Variants in PRRX2 observed in about 807,000 individuals in gnomAD.
The protein encoded by PRRX2 is paired related homeobox 2.
Under a neutral mutation model 18.0 loss-of-function variants are expected in PRRX2, and 11 were observed. That is an observed-to-expected ratio of 0.61 (90% CI 0.39 to 1.01). The LOEUF is 1.01. PRRX2 is among the 50% of genes least tolerant of loss of function. The pLI is 0.01. For missense variants in PRRX2, 387 were observed against 351.0 expected, an observed-to-expected ratio of 1.10 and a Z score of -0.82; for synonymous variants, 177 against 154.8, an observed-to-expected ratio of 1.14 and a Z score of -1.06.
chr9:129,687,400 A>G (rs1324853470), intron 1 of PRRX2, among the ~76,000 whole-genome samples: 1 of 152,084 alleles, frequency 6.6e-6, no homozygotes, highest in Non-Finnish European at 1.5e-5. Flanking sequence ...CCACCTGACC[A>G]CCTTCCAGGC....
At chr9:129,718,469 C>G (rs1318797045) in intron 1 of PRRX2, 1 of 152,420 alleles carries the variant, frequency 6.6e-6, no homozygotes, top group Non-Finnish European at 1.5e-5. Context: ...TGGTCTCTCC[C>G]CGGCCCCCAG....
In PRRX2 at chr9:129,719,233, G is replaced by A. The variant is rs1410492129; in HGVS notation, c.262G>A (p.Glu88Lys). ...TCCCGCCCCCCCAACCTCCGCAGGT[G>A]AGTGTCCCAGCCCGGGGCGCGGTAG... ...SGSEAAPQDG[E>K]CPSPGRGSAA... The change falls in exon 2 of 4, where the codon GAG (glutamate) becomes AAG (lysine). Residue 88 changes from glutamate (E) to lysine (K), a missense_variant and splice_region_variant. Physicochemically the swap from Glu to Lys is moderately conservative, Grantham distance 56. Transcript: ENST00000372469. 1 of 1,586,592 alleles carries A rather than the reference G, an allele frequency of 6.3e-7. No individual in the cohort carries two copies. Among genetic ancestry groups the A allele is most frequent in the Non-Finnish European group, 8.6e-7 (1 of 1,166,336 alleles).
intron 1 of PRRX2, among the ~76,000 whole-genome samples, chr9:129,683,040 G>A (rs754701193): frequency 3.9e-5 from 6 of 152,014 alleles, no homozygotes; most frequent in Non-Finnish European, 7.4e-5. Flanking sequence ...CCTGGGAGGC[G>A]AAGGTTGCAG....
intron 1 of PRRX2, among the ~76,000 whole-genome samples, chr9:129,679,345 C>T: frequency 6.6e-6 from 1 of 152,086 alleles, no homozygotes; most frequent in Non-Finnish European, 1.5e-5. Context: ...GTGACGGTGG[C>T]AGGGGGGAGG....
At chr9:129,676,040 C>T (rs1033141039) in intron 1 of PRRX2, among the ~76,000 whole-genome samples, 2 of 152,206 alleles carry the variant, frequency 1.3e-5, no homozygotes, top group Admixed American at 6.5e-5. Context: ...GTGGAGGCTG[C>T]TCCCACCCCA....
chr9:129,680,400 C>CAAAAAA (rs1207606607), intron 1 of PRRX2, among the ~76,000 whole-genome samples: 3 of 85,766 alleles, frequency 3.5e-5, no homozygotes, highest in African/African-American at 1.0e-4. Context: ...GACTCCGTCT[C>CAAAAAA]AAAAAAAAAA....
At position 129,690,693 on chromosome 9, in the gene PRRX2, A is replaced by T. The variant is rs548427656; in HGVS notation, c.259+24567A>T. On this transcript the variant is annotated intron_variant, in intron 1 of 3. Coordinates refer to ENST00000372469, the MANE Select transcript of PRRX2 (RefSeq NM_016307.4). The stretch of plus-strand genomic sequence containing the variant: ...GGCTAATTTTTTGTATTTTTAGTAG[A>T]GATGGGGTTTCACTATGTTGACCAG... Among the ~76,000 whole-genome samples the T allele has an allele frequency of 2.0e-4, 30 of 151,800 alleles. No homozygotes were observed. In the East Asian group the frequency reaches 4.5e-3, roughly 23 times the overall value.
intron 1 of PRRX2, among the ~76,000 whole-genome samples, chr9:129,711,451 G>C (rs913737876): frequency 2.1e-5 from 3 of 142,394 alleles, no homozygotes; most frequent in African/African-American, 7.9e-5. Context: ...CGTTGCCCAG[G>C]CTGGAGTGCA....
chr9:129,705,420 T>A (rs1182762404), intron 1 of PRRX2, among the ~76,000 whole-genome samples: 2 of 152,112 alleles, frequency 1.3e-5, no homozygotes, highest in Non-Finnish European at 2.9e-5. Flanking sequence ...AGTGGCTTGA[T>A]CCTGGCCCAC....
intron 2 of PRRX2, among the ~76,000 whole-genome samples, chr9:129,719,795 T>C (rs1832765621): frequency 6.6e-6 from 1 of 152,180 alleles, no homozygotes; most frequent in African/African-American, 2.4e-5. Flanking sequence ...GAGACCAGCC[T>C]GGCCAACATA....
chr9:129,721,115 G>A lies in PRRX2; in HGVS notation c.626+341G>A, dbSNP rs576495761. On this transcript the variant is annotated intron_variant, in intron 3 of 3. Transcript: ENST00000372469. Reference sequence around the variant, plus strand: ...AGTGTGTGCGTGAACACCTGGAGCCGGGAGAAAACAGGCCTATCTGGAGGG... The same window carrying A: ...AGTGTGTGCGTGAACACCTGGAGCCAGGAGAAAACAGGCCTATCTGGAGGG... 2.6e-5 allele frequency among the ~76,000 whole-genome samples: 4 copies of A among 152,300 alleles called. No individual in the cohort carries two copies. In the East Asian group the frequency reaches 5.8e-4, roughly 22 times the overall value.
At position 129,684,427 on chromosome 9, in the gene PRRX2, AACAC is replaced by A. The variant is rs72324782; in HGVS notation, c.259+18330_259+18333del. On this transcript the variant is annotated intron_variant, in intron 1 of 3. Transcript: ENST00000372469. ...CACAGAGAGAGACACACACAGATAC[AACAC>A]ACACACACACACACACACACACACA... 9.8e-3 allele frequency among the ~76,000 whole-genome samples: 809 copies of A among 82,926 alleles called. 5 individuals carry two copies. Among genetic ancestry groups the A allele is most frequent in the Middle Eastern group, 0.051 (8 of 158 alleles). The allele number at this position is 82,926 out of a possible 152,430, so 54.4% of individuals were successfully genotyped here. A position where few individuals can be genotyped will look rare whatever the true frequency, so the allele number is the denominator to read the frequency against.
At chr9:129,670,894 C>T (rs370541424) in intron 1 of PRRX2, among the ~76,000 whole-genome samples, 12 of 152,284 alleles carry the variant, frequency 7.9e-5, no homozygotes, top group African/African-American at 2.9e-4. Flanking sequence ...TTCTCTATTT[C>T]CTGGGACAAG....
intron 1 of PRRX2, among the ~76,000 whole-genome samples, chr9:129,696,082 G>GA (rs57374729): frequency 0.12 from 16,815 of 145,516 alleles, 1,838 homozygotes; most frequent in East Asian, 0.36. Flanking sequence ...GAAAGAAAAC[G>GA]AAAAAAAAAA....
chr9:129,678,283 G>A (rs1564145703), intron 1 of PRRX2, among the ~76,000 whole-genome samples: 1 of 152,086 alleles, frequency 6.6e-6, no homozygotes, highest in Non-Finnish European at 1.5e-5. Flanking sequence ...GCTTTTTCAA[G>A]GGGCTGGTTT....
chr9:129,665,903 G>C lies in PRRX2; in HGVS notation c.36G>C (p.Lys12Asn). 2 of 1,107,248 alleles carry C rather than the reference G, an allele frequency of 1.8e-6. No individual in the cohort carries two copies. Among genetic ancestry groups the C allele is most frequent in the Non-Finnish European group, 2.2e-6 (2 of 910,818 alleles). 68.6% of individuals were successfully genotyped at this position (1,107,248 alleles called of 1,614,324 possible). Residue 12 changes from lysine (K) to asparagine (N), a missense_variant, in exon 1 of 4, where the codon AAG (lysine) becomes AAC (asparagine). Lys to Asn is a moderately conservative substitution (Grantham distance 94). Coordinates refer to ENST00000372469, the MANE Select transcript of PRRX2 (RefSeq NM_016307.4). The surrounding 1 kb of genome is among the most constrained non-coding windows in gnomAD (Gnocchi z 5.3). ...CGGCCGCCGCCTTCGCCCTGGACAA[G>C]CCGGCGCTGGGCCCGGGGCCGCCGC... is the stretch of plus-strand genomic sequence containing the variant. Reference protein sequence around the residue: ...DSAAAAFALDKPALGPGPPPP... With the variant: ...DSAAAAFALDNPALGPGPPPP...
At position 129,683,932 on chromosome 9, in the gene PRRX2, G is replaced by A. The variant is rs532808075; in HGVS notation, c.259+17806G>A. Among the ~76,000 whole-genome samples, 10 of 152,254 alleles carry A rather than the reference G, an allele frequency of 6.6e-5. No individual in the cohort carries two copies. The South Asian group carries it at 2.1e-3, about 32-fold the overall frequency. On this transcript the variant is annotated intron_variant, in intron 1 of 3. Transcript: ENST00000372469. ...GCCCTCCTGTCCCTACCCTCTTCCTGTACAAGGCTATGGCTAACGGGAGCC... is the reference window on the plus strand; with the variant it reads ...GCCCTCCTGTCCCTACCCTCTTCCTATACAAGGCTATGGCTAACGGGAGCC...
rs550151360 is a variant in PRRX2 at position 129,695,864 on chromosome 9, A to G, written c.260-23367A>G. Among the ~76,000 whole-genome samples the G allele has an allele frequency of 2.2e-4, 33 of 152,316 alleles. No individual in the cohort carries two copies. Among genetic ancestry groups the G allele is most frequent in the Admixed American group, 7.8e-4 (12 of 15,298 alleles). ...GAGAGCATTAACGGGAAAGTTCTAA[A>G]CAGAACCTCTGCTGTCATGTAAGCA... On this transcript the variant is annotated intron_variant, in intron 1 of 3. Transcript: ENST00000372469. The surrounding 1 kb of genome is among the most constrained non-coding windows in gnomAD (Gnocchi z 4.8).
At chr9:129,719,482 C>T in intron 2 of PRRX2, 64 bp downstream of exon 2, 5 of 1,422,602 alleles carry the variant, frequency 3.5e-6, no homozygotes, top group East Asian at 2.7e-5. Context: ...CCACTGTTCA[C>T]CCGGGATTAC....
Sources: gnomAD v4.1 joint callset for allele counts (sites outside exome capture counted in the v4.1 genomes callset) on GRCh38, gnomAD v4.1.1 for gene constraint, Gnocchi (gnomAD v3.1) non-coding constraint, MANE v1.5 for transcripts, NCBI Gene and HGNC (gene_info 2026-07-23, HGNC 2026-07-21) for gene names.